The following LGR5 variants were observed in gnomAD, a reference collection of about 807,000 sequenced individuals.
LGR5 encodes the protein leucine rich repeat containing G protein-coupled receptor 5.
LGR5 carries 54 observed loss-of-function variants against 76.7 expected under a neutral mutation model. That is an observed-to-expected ratio of 0.70 (90% CI 0.57 to 0.88). The LOEUF (loss-of-function observed/expected upper bound fraction) is 0.88, where lower values mean the gene tolerates loss of function less well. Among genes scored for constraint, LGR5 ranks in the 40% least tolerant of loss-of-function variants. The probability of loss-of-function intolerance (pLI) is 0.00; values close to 1 mark genes in which losing one functional copy is unlikely to be tolerated. For synonymous variants in LGR5, 406 were observed against 421.9 expected, an observed-to-expected ratio of 0.96 and a Z score of 0.46; for missense variants, 1,078 against 1,073.3, an observed-to-expected ratio of 1.00 and a Z score of -0.06.
chr12:71,475,153 G>T (rs1873271640), intron 1 of LGR5, among the ~76,000 whole-genome samples: 1 of 152,094 alleles, frequency 6.6e-6, no homozygotes, highest in African/African-American at 2.4e-5. Context: ...GAAAGAACGT[G>T]TGAAGAATTG....
intron 1 of LGR5, among the ~76,000 whole-genome samples, chr12:71,480,428 TAGAG>T (rs1380905263): frequency 6.6e-6 from 1 of 150,714 alleles, no homozygotes; most frequent in Non-Finnish European, 1.5e-5. Flanking sequence ...GAGGTGTGAC[TAGAG>T]AGAGTTGGTG....
intron 3 of LGR5, among the ~76,000 whole-genome samples, chr12:71,532,726 C>A (rs752741737): frequency 3.9e-5 from 6 of 152,056 alleles, no homozygotes; most frequent in Non-Finnish European, 8.8e-5. Context: ...AAATGAGTTT[C>A]CTCTCCAAGA....
chr12:71,543,543 G>A (rs1454611217), intron 4 of LGR5, among the ~76,000 whole-genome samples: 1 of 152,154 alleles, frequency 6.6e-6, no homozygotes, highest in Non-Finnish European at 1.5e-5. Flanking sequence ...GTAAAAGTTT[G>A]GCCAGATAAG....
intron 2 of LGR5, among the ~76,000 whole-genome samples, chr12:71,513,942 A>G (rs868085567): frequency 6.6e-6 from 1 of 152,158 alleles, no homozygotes; most frequent in Non-Finnish European, 1.5e-5. Context: ...TGTGCATGCA[A>G]TAAGACTCTT....
intron 2 of LGR5, among the ~76,000 whole-genome samples, chr12:71,518,688 G>A (rs987999287): frequency 6.6e-6 from 1 of 152,160 alleles, no homozygotes; most frequent in Non-Finnish European, 1.5e-5. Context: ...ACAAGATCAT[G>A]TCCTTTGCAG....
chr12:71,463,640 C>T (rs1233736378), intron 1 of LGR5, among the ~76,000 whole-genome samples: 1 of 152,004 alleles, frequency 6.6e-6, no homozygotes, highest in Non-Finnish European at 1.5e-5. Flanking sequence ...TCTCCAAATC[C>T]CTACTTGACT....
intron 8 of LGR5, among the ~76,000 whole-genome samples, chr12:71,565,834 A>C (rs143402440): frequency 8.5e-5 from 13 of 152,140 alleles, no homozygotes; most frequent in African/African-American, 3.1e-4. Context: ...AAACATCTGT[A>C]AAACAAAATA....
At chr12:71,545,999 A>G (rs1162900987) in intron 4 of LGR5, among the ~76,000 whole-genome samples, 1 of 152,182 alleles carries the variant, frequency 6.6e-6, no homozygotes, top group Non-Finnish European at 1.5e-5. Context: ...AAATGAGCTT[A>G]TTTTATTTGG....
intron 1 of LGR5, among the ~76,000 whole-genome samples, chr12:71,494,434 G>A (rs1190087942): frequency 6.6e-6 from 1 of 151,006 alleles, no homozygotes; most frequent in African/African-American, 2.5e-5. Flanking sequence ...CTAGTTCTTT[G>A]TAAGCCTCTG....
chr12:71,578,202 G>A (rs55792965), intron 14 of LGR5, among the ~76,000 whole-genome samples: 3,416 of 152,250 alleles, frequency 0.022, 143 homozygotes, highest in African/African-American at 0.077. Context: ...TGAAGATTTG[G>A]GTGACACCTG....
At chr12:71,482,084 T>C (rs554993523) in intron 1 of LGR5, among the ~76,000 whole-genome samples, 3 of 152,354 alleles carry the variant, frequency 2.0e-5, no homozygotes, top group East Asian at 1.9e-4. Flanking sequence ...AGATTCCCTC[T>C]TTTGAAGGGA....
intron 1 of LGR5, among the ~76,000 whole-genome samples, chr12:71,464,023 T>C (rs932482896): frequency 6.6e-6 from 1 of 152,144 alleles, no homozygotes; most frequent in Non-Finnish European, 1.5e-5. Flanking sequence ...CAAAGGAATA[T>C]AGAAACCTCT....
At position 71,566,632 on chromosome 12, in the gene LGR5, G is replaced by T; in HGVS notation, c.930G>T (p.Leu310=). ...AATACTTATATACTCCTCTTTCTAG[G>T]ACTCTGAATGGTGCCTCACAAATAA... ...AFQHLPELRT[L]TLNGASQITE... The change falls in exon 10 of 18, where the codon CTG becomes CTT. Residue 310 remains leucine, a splice_region_variant and synonymous_variant. Transcript: ENST00000266674. The T allele has an allele frequency of 6.2e-7, 1 of 1,611,454 alleles. No individual in the cohort carries two copies. Among genetic ancestry groups the T allele is most frequent in the Non-Finnish European group, 8.5e-7 (1 of 1,177,826 alleles).
chr12:71,524,369 T>C, intron 2 of LGR5, 37 bp from the exon 3 acceptor site: 1 of 1,443,154 alleles, frequency 6.9e-7, no homozygotes, highest in East Asian at 2.3e-5. Flanking sequence ...CATGAAGAGG[T>C]ATGCTCACTC....
intron 9 of LGR5, 33 bp downstream of exon 9, chr12:71,566,508 C>T (rs761496077): frequency 1.3e-6 from 2 of 1,557,946 alleles, no homozygotes; most frequent in African/African-American, 1.4e-5. Flanking sequence ...GATCACTTTC[C>T]CTCTACAGGG....
At chr12:71,482,563 G>C (rs1873654751) in intron 1 of LGR5, among the ~76,000 whole-genome samples, 1 of 152,076 alleles carries the variant, frequency 6.6e-6, no homozygotes, top group Admixed American at 6.5e-5. Context: ...GAGTTAGTAG[G>C]GGTTAGAACT....
intron 3 of LGR5, among the ~76,000 whole-genome samples, chr12:71,531,373 C>A (rs936967493): frequency 6.6e-6 from 1 of 152,164 alleles, no homozygotes; most frequent in Non-Finnish European, 1.5e-5. Context: ...TTCTAATTAA[C>A]CCACTGGAGA....
At chr12:71,488,721 G>T (rs1400453176) in intron 1 of LGR5, among the ~76,000 whole-genome samples, 1 of 152,090 alleles carries the variant, frequency 6.6e-6, no homozygotes, top group Non-Finnish European at 1.5e-5. Context: ...TTCCCATTGG[G>T]GTTGATCTAA....
intron 1 of LGR5, among the ~76,000 whole-genome samples, chr12:71,446,657 A>T (rs561150960): frequency 6.6e-6 from 1 of 152,344 alleles, no homozygotes; most frequent in East Asian, 1.9e-4. Context: ...ATTTATACTT[A>T]TGCCTTGTAA....
Sources: allele counts gnomAD v4.1 joint callset (sites outside exome capture counted in the v4.1 genomes callset), GRCh38; gene constraint gnomAD v4.1.1; transcripts MANE v1.5; gene names NCBI Gene and HGNC (gene_info 2026-07-23, HGNC 2026-07-21).